The following CRADD variants were observed in gnomAD, a reference collection of about 807,000 sequenced individuals.
The protein encoded by CRADD is CARD and death domain containing adaptor protein, also known as death domain-containing protein CRADD.
Under a neutral mutation model 15.5 loss-of-function variants are expected in CRADD, and 9 were observed. The ratio of observed to expected loss-of-function variants is 0.58; its 90% CI spans 0.35 to 1.01. The LOEUF is 1.01. Among genes scored for constraint, CRADD ranks in the 50% least tolerant of loss-of-function variants. CRADD has a pLI of 0.02. For synonymous variants in CRADD, 118 were observed against 107.6 expected (o/e 1.10, Z -0.60); for missense variants, 227 against 250.3 (o/e 0.91, Z 0.63).
chr12:93,816,775 T>C (rs1302825347), intron 2 of CRADD, among the ~76,000 whole-genome samples: 1 of 152,128 alleles, frequency 6.6e-6, no homozygotes, highest in Non-Finnish European at 1.5e-5. Flanking sequence ...AGAATGACAA[T>C]GGATGGGGAA....
At chr12:93,744,493 T>C (rs372233656) in intron 2 of CRADD, among the ~76,000 whole-genome samples, 1 of 152,230 alleles carries the variant, frequency 6.6e-6, no homozygotes, top group Non-Finnish European at 1.5e-5. Context: ...CTAATCTCGC[T>C]AGTCAACTTA....
chr12:93,876,204 T>C (rs756644337), intron 2 of CRADD, among the ~76,000 whole-genome samples: 7 of 152,130 alleles, frequency 4.6e-5, no homozygotes, highest in Non-Finnish European at 8.8e-5. Context: ...GGAGCTCCAT[T>C]GTATGTTATT....
At chr12:93,731,793 G>T (rs1310556533) in intron 2 of CRADD, among the ~76,000 whole-genome samples, 1 of 152,248 alleles carries the variant, frequency 6.6e-6, no homozygotes, top group Non-Finnish European at 1.5e-5. Context: ...AGACAATCAT[G>T]TTGGGTGTAT....
intron 2 of CRADD, among the ~76,000 whole-genome samples, chr12:93,763,394 A>G (rs1956991741): frequency 6.6e-6 from 1 of 152,006 alleles, no homozygotes; most frequent in South Asian, 2.1e-4. Flanking sequence ...TGCTCAAAGG[A>G]GAAGGGCAAA....
downstream of CRADD, among the ~76,000 whole-genome samples, chr12:93,855,150 G>A (rs945907261): frequency 1.3e-5 from 2 of 151,932 alleles, no homozygotes; most frequent in African/African-American, 4.8e-5. Flanking sequence ...AGCCAAGATC[G>A]CGCCACTTCA....
chr12:93,882,257 TA>T (rs1958507446), intron 2 of CRADD, among the ~76,000 whole-genome samples: 1 of 149,708 alleles, frequency 6.7e-6, no homozygotes, highest in Non-Finnish European at 1.5e-5. Context: ...CTGTCTCTAC[TA>T]AAAATACAAA....
intron 2 of CRADD, among the ~76,000 whole-genome samples, chr12:93,712,426 A>G (rs1193437628): frequency 1.3e-5 from 2 of 152,224 alleles, no homozygotes; most frequent in Non-Finnish European, 2.9e-5. Context: ...GTTGTCATAC[A>G]CAGTAGGTCC....
chr12:93,719,766 C>A (rs1416331299), intron 2 of CRADD, among the ~76,000 whole-genome samples: 1 of 152,012 alleles, frequency 6.6e-6, no homozygotes, highest in Admixed American at 6.6e-5. Flanking sequence ...TTTTAATGTT[C>A]ATGGGATCTG....
intron 2 of CRADD, among the ~76,000 whole-genome samples, chr12:93,887,398 A>G (rs557861946): frequency 6.6e-6 from 1 of 152,366 alleles, no homozygotes; most frequent in Non-Finnish European, 1.5e-5. Flanking sequence ...AAGGAAGGTC[A>G]CAACACAGAG....
At chr12:93,844,502 G>C (rs1958089732) in intron 2 of CRADD, among the ~76,000 whole-genome samples, 1 of 152,188 alleles carries the variant, frequency 6.6e-6, no homozygotes, top group African/African-American at 2.4e-5. Flanking sequence ...GCTCCGGCCT[G>C]TGTCCACAGA....
At chr12:93,864,228 A>G (rs553837361) in intron 2 of CRADD, among the ~76,000 whole-genome samples, 1 of 152,172 alleles carries the variant, frequency 6.6e-6, no homozygotes, top group African/African-American at 2.4e-5. Context: ...TCATTTTTAT[A>G]TTTTTTGTAG....
At chr12:93,694,639 A>G (rs34172269) in intron 2 of CRADD, among the ~76,000 whole-genome samples, 38,097 of 152,178 alleles carry the variant, frequency 0.25, 5,268 homozygotes, top group East Asian at 0.41. Flanking sequence ...CAAAATTAAC[A>G]TAAAAATCAG....
In CRADD at chr12:93,704,607, C is replaced by G. The variant is rs192954937; in HGVS notation, c.298+25535C>G. Among the ~76,000 whole-genome samples, 79 of 152,330 alleles carry G rather than the reference C, an allele frequency of 5.2e-4. 2 individuals are homozygous for G. Among genetic ancestry groups the G allele is most frequent in the Non-Finnish European group, 5.3e-4 (36 of 68,028 alleles). On this transcript the variant is annotated intron_variant, in intron 2 of 2. Coordinates refer to ENST00000332896, the MANE Select transcript of CRADD (RefSeq NM_003805.5). ...CATGTACTTTCCCGTAAAACGTTTTCCACATGGCAATCAGAGCCATCTTTT... is the reference window on the plus strand; with the variant it reads ...CATGTACTTTCCCGTAAAACGTTTTGCACATGGCAATCAGAGCCATCTTTT...
downstream of CRADD, among the ~76,000 whole-genome samples, chr12:93,854,703 C>G (rs1407177049): frequency 6.6e-6 from 1 of 152,166 alleles, no homozygotes; most frequent in East Asian, 1.9e-4. Context: ...TCCCCCACCC[C>G]ACAGAATGCA....
rs377715615 is a variant in CRADD at position 93,822,072 on chromosome 12, T to C, written c.299-27898T>C. 1.7e-4 allele frequency among the ~76,000 whole-genome samples: 26 copies of C among 150,792 alleles called. 1 individual carries two copies. Among genetic ancestry groups the C allele is most frequent in the South Asian group, 1.0e-3 (5 of 4,778 alleles). ...GGCAGAGGCTGCAGTGAGCCGAGAT[T>C]GCGCCACTGCACTCCAGCCTGGGTG... On this transcript the variant is annotated intron_variant, in intron 2 of 2. Coordinates refer to ENST00000332896, the MANE Select transcript of CRADD (RefSeq NM_003805.5).
At chr12:93,807,567 A>C (rs763046949) in intron 2 of CRADD, among the ~76,000 whole-genome samples, 1 of 152,126 alleles carries the variant, frequency 6.6e-6, no homozygotes, top group Non-Finnish European at 1.5e-5. Context: ...CCTGGTAATC[A>C]AGACAAAGTT....
chr12:93,825,753 C>A (rs886718895), intron 2 of CRADD, among the ~76,000 whole-genome samples: 1 of 152,096 alleles, frequency 6.6e-6, no homozygotes, highest in African/African-American at 2.4e-5. Context: ...AAAGGTGGAG[C>A]CACTGACACC....
intron 2 of CRADD, among the ~76,000 whole-genome samples, chr12:93,827,929 G>A (rs1400732110): frequency 1.3e-5 from 2 of 152,072 alleles, no homozygotes; most frequent in Non-Finnish European, 2.9e-5. Flanking sequence ...ACTATTCTCC[G>A]TTTCTATGAG....
chr12:93,753,396 C>T (rs892875358), intron 2 of CRADD, among the ~76,000 whole-genome samples: 7 of 152,172 alleles, frequency 4.6e-5, no homozygotes, highest in African/African-American at 1.7e-4. Context: ...CACGTCTTCA[C>T]ATTTCAAAAC....
Sources: allele counts gnomAD v4.1 joint callset (sites outside exome capture counted in the v4.1 genomes callset), GRCh38; gene constraint gnomAD v4.1.1; transcripts MANE v1.5; gene names NCBI Gene and HGNC (gene_info 2026-07-23, HGNC 2026-07-21).